CCDC102B: variants seen among roughly 807,000 people sequenced by gnomAD.
CCDC102B encodes the protein coiled-coil domain-containing protein 102B.
In CCDC102B, 75 loss-of-function variants were observed where a neutral mutation model predicts 57.4. The observed-to-expected ratio is 1.31, with a 90% CI of 1.08 to 1.58. CCDC102B has a LOEUF of 1.58. Ranked by LOEUF, CCDC102B falls within the 40% of genes most tolerant of loss-of-function variation. The probability of loss-of-function intolerance (pLI) is 0.00; values close to 1 mark genes in which losing one functional copy is unlikely to be tolerated. For missense variants in CCDC102B, 636 were observed against 582.6 expected (o/e 1.09, Z -0.94); for synonymous variants, 206 against 201.9 (o/e 1.02, Z -0.17).
At chr18:68,832,186 T>C (rs1042694530) in intron 1 of CCDC102B, among the ~76,000 whole-genome samples, 3 of 152,220 alleles carry the variant, frequency 2.0e-5, no homozygotes, top group Non-Finnish European at 4.4e-5. Flanking sequence ...GACAAAAATC[T>C]TTTTAATGTC....
intron 6 of CCDC102B, among the ~76,000 whole-genome samples, chr18:68,956,430 C>T (rs7506002): frequency 0.22 from 4,708 of 21,610 alleles, 800 homozygotes; most frequent in African/African-American, 0.48. Flanking sequence ...ATATATTATA[C>T]ATTTTATATA....
At chr18:68,873,774 T>C (rs986653389) in intron 4 of CCDC102B, among the ~76,000 whole-genome samples, 3 of 152,066 alleles carry the variant, frequency 2.0e-5, no homozygotes, top group Admixed American at 1.3e-4. Flanking sequence ...TTTAATTTGT[T>C]ATAAGTTGCA....
intron 1 of CCDC102B, among the ~76,000 whole-genome samples, chr18:68,802,146 C>T (rs1176680600): frequency 3.3e-5 from 5 of 152,068 alleles, no homozygotes; most frequent in Non-Finnish European, 7.4e-5. Context: ...TAACCTGTTC[C>T]TAATTTGGAG....
intron 1 of CCDC102B, among the ~76,000 whole-genome samples, chr18:68,798,833 A>G (rs148960684): frequency 3.0e-4 from 45 of 152,204 alleles, no homozygotes; most frequent in African/African-American, 1.1e-3. Context: ...CTGAAAAAAA[A>G]TCTCTGGAAA....
intron 2 of CCDC102B, among the ~76,000 whole-genome samples, chr18:68,760,132 A>G (rs962079928): frequency 3.3e-5 from 5 of 151,996 alleles, no homozygotes; most frequent in Non-Finnish European, 5.9e-5. Context: ...CTCTATCTCA[A>G]TTTGCTTCTT....
rs76274470 is a variant in CCDC102B, at chr18:68,945,375, T to A, written c.1263+47947T>A. Among the ~76,000 whole-genome samples, 904 of 152,134 alleles carry A rather than the reference T, an allele frequency of 5.9e-3. 2 individuals carry two copies. The highest frequency in any genetic ancestry group is 9.0e-3 in the Non-Finnish European group (614 of 67,958). Reference sequence around the variant, plus strand: ...TGTAACCAAATGCAAACTGCAAAATTAATATTGTCAAGTTCATATAAAATG... The same window carrying A: ...TGTAACCAAATGCAAACTGCAAAATAAATATTGTCAAGTTCATATAAAATG... On this transcript the variant is annotated intron_variant, in intron 6 of 7. Transcript: ENST00000360242.
In CCDC102B at chr18:68,987,386, G is replaced by T. The variant is rs116509550; in HGVS notation, c.1264-23548G>T. Among the ~76,000 whole-genome samples the T allele has an allele frequency of 4.8e-3, 733 of 152,032 alleles. 12 individuals carry two copies. Among genetic ancestry groups the T allele is most frequent in the African/African-American group, 0.016 (676 of 41,492 alleles). ...TAGCCATATGCAAAGAATGAAATTG[G>T]ACCCCTATACAAAAGTTCACCCAAA... On this transcript the variant is annotated intron_variant, in intron 6 of 7. Transcript: ENST00000360242.
At chr18:69,039,172 G>A (rs904564614) in intron 7 of CCDC102B, among the ~76,000 whole-genome samples, 1 of 151,858 alleles carries the variant, frequency 6.6e-6, no homozygotes, top group Non-Finnish European at 1.5e-5. Flanking sequence ...GCTATCTAGA[G>A]TATTCCATTG....
At chr18:68,789,161 A>C (rs2035331702) in intron 2 of CCDC102B, among the ~76,000 whole-genome samples, 1 of 151,858 alleles carries the variant, frequency 6.6e-6, no homozygotes, top group South Asian at 2.1e-4. Context: ...ATTGGCCCCC[A>C]CTCTCTTCTG....
chr18:68,765,380 A>AGAAAGAAAG (rs201945991), intron 2 of CCDC102B, among the ~76,000 whole-genome samples: 3 of 144,678 alleles, frequency 2.1e-5, no homozygotes, highest in African/African-American at 8.4e-5. Flanking sequence ...AAAGAAAGAA[A>AGAAAGAAAG]AGAAAGAAAG....
At chr18:68,783,368 T>C (rs531741731) in intron 2 of CCDC102B, among the ~76,000 whole-genome samples, 10 of 152,308 alleles carry the variant, frequency 6.6e-5, no homozygotes, top group African/African-American at 2.4e-4. Context: ...CCCTGTCCCT[T>C]GTGCTCATGC....
intron 4 of CCDC102B, among the ~76,000 whole-genome samples, chr18:68,864,538 CATATT>C (rs1232609221): frequency 6.6e-6 from 1 of 151,934 alleles, no homozygotes; most frequent in Admixed American, 6.6e-5. Context: ...TTTCCTGCAT[CATATT>C]ATTTATTGTT....
chr18:69,001,680 C>G (rs1033452829), intron 6 of CCDC102B, among the ~76,000 whole-genome samples: 1 of 152,138 alleles, frequency 6.6e-6, no homozygotes, highest in Non-Finnish European at 1.5e-5. Flanking sequence ...TTGGGGACCC[C>G]TTCCCACCTG....
intron 6 of CCDC102B, among the ~76,000 whole-genome samples, chr18:69,000,100 C>T (rs1480105592): frequency 6.6e-6 from 1 of 152,118 alleles, no homozygotes; most frequent in Non-Finnish European, 1.5e-5. Flanking sequence ...CCTCCAAAGG[C>T]TATGTGCAGG....
downstream of CCDC102B, among the ~76,000 whole-genome samples, chr18:69,056,539 A>G (rs150939701): frequency 8.6e-5 from 13 of 151,924 alleles, no homozygotes; most frequent in East Asian, 2.5e-3. Context: ...TTGCAGAATA[A>G]ATGACCTTTT....
upstream of CCDC102B, among the ~76,000 whole-genome samples, chr18:68,796,843 A>ATGTGTGTGTGTGTG (rs35894372): frequency 1.2e-4 from 17 of 146,992 alleles, no homozygotes; most frequent in African/African-American, 3.9e-4. Flanking sequence ...ATGTACATGC[A>ATGTGTGTGTGTGTG]TGTGTGTGTG....
At chr18:68,977,424 T>A (rs547156067) in intron 6 of CCDC102B, among the ~76,000 whole-genome samples, 1 of 151,874 alleles carries the variant, frequency 6.6e-6, no homozygotes, top group African/African-American at 2.4e-5. Context: ...TAGTCCCCCA[T>A]GCCCTGACAG....
intron 6 of CCDC102B, 151 bp from the exon 7 acceptor site, chr18:69,010,783 C>A: frequency 1.8e-6 from 1 of 543,268 alleles, no homozygotes. Context: ...ATTATAATAT[C>A]TGATTACAGA....
chr18:68,743,022 A>T (rs952295385), intron 2 of CCDC102B, among the ~76,000 whole-genome samples: 12 of 152,144 alleles, frequency 7.9e-5, no homozygotes, highest in Non-Finnish European at 1.6e-4. Context: ...ATGAATTTCA[A>T]CTGGCATAAT....
Sources: gnomAD v4.1 joint callset for allele counts (sites outside exome capture counted in the v4.1 genomes callset) on GRCh38, gnomAD v4.1.1 for gene constraint, MANE v1.5 for transcripts, NCBI Gene and HGNC (gene_info 2026-07-23, HGNC 2026-07-21) for gene names.